The following GRIA4 variants were observed in gnomAD, a reference collection of about 807,000 sequenced individuals.
GRIA4 encodes the protein glutamate receptor 4.
In GRIA4, 34 loss-of-function variants were observed where a neutral mutation model predicts 104.0. The observed-to-expected ratio is 0.33, with a 90% CI of 0.25 to 0.44. The LOEUF (loss-of-function observed/expected upper bound fraction) is 0.44, where lower values mean the gene tolerates loss of function less well. Among genes scored for constraint, GRIA4 ranks in the 20% least tolerant of loss-of-function variants. The pLI is 1.00. For synonymous variants in GRIA4, 386 were observed against 381.9 expected (o/e 1.01, Z -0.13); for missense variants, 750 against 1,096.5 (o/e 0.68, Z 4.46).
chr11:105,973,505 T>C (rs1858806622), intron 15 of GRIA4, among the ~76,000 whole-genome samples: 3 of 152,072 alleles, frequency 2.0e-5, no homozygotes, highest in South Asian at 4.1e-4. Context: ...AAAATATTAA[T>C]GGACTAAGCA....
At chr11:105,706,839 C>T (rs537956237) in intron 3 of GRIA4, 2 of 152,376 alleles carry the variant, frequency 1.3e-5, no homozygotes, top group South Asian at 2.1e-4. Context: ...AGCGTCATCA[C>T]ATAAAAGGAT....
At chr11:105,671,677 CAAAAAAAAAAAAA>C (rs377767108) in intron 3 of GRIA4, among the ~76,000 whole-genome samples, 1 of 64,584 alleles carries the variant, frequency 1.5e-5, no homozygotes, top group Non-Finnish European at 2.5e-5. Context: ...GACTCTGTCT[CAAAAAAAAAAAAA>C]AAAAAAAAAA....
chr11:105,954,443 T>C (rs1372972922), intron 14 of GRIA4, among the ~76,000 whole-genome samples: 7 of 152,186 alleles, frequency 4.6e-5, no homozygotes, highest in Admixed American at 6.6e-5. Context: ...ATTTTGGGTG[T>C]GTGGGGGCAT....
At chr11:105,771,906 TA>T (rs1255350196) in intron 4 of GRIA4, among the ~76,000 whole-genome samples, 10 of 152,070 alleles carry the variant, frequency 6.6e-5, no homozygotes, top group Non-Finnish European at 1.5e-4. Flanking sequence ...AAATCTATTA[TA>T]AAAATTAAAA....
At chr11:105,957,889 C>A (rs571844377) in intron 14 of GRIA4, among the ~76,000 whole-genome samples, 1 of 152,240 alleles carries the variant, frequency 6.6e-6, no homozygotes, top group South Asian at 2.1e-4. Flanking sequence ...AATGGGAGTT[C>A]ACTCATGATT....
rs1953821799 is a variant in GRIA4, at chr11:105,709,214, T to A, written c.248-43767T>A. ...GAGTAAAAAAATTAAATAGTGGTCA[T>A]AATGTGTTATTACCATAAAATAAAA... On this transcript the variant is annotated intron_variant, in intron 3 of 16. Coordinates refer to ENST00000282499, the MANE Select transcript of GRIA4 (RefSeq NM_000829.4). Among the ~76,000 whole-genome samples the A allele has an allele frequency of 1.3e-5, 2 of 152,062 alleles. 1 individual carries two copies. The highest frequency in any genetic ancestry group is 1.3e-4 in the Admixed American group (2 of 15,224).
At position 105,798,237 on chromosome 11, in the gene GRIA4, A is replaced by G. The variant is rs116153222; in HGVS notation, c.487+45017A>G. 7.0e-3 allele frequency among the ~76,000 whole-genome samples: 1,060 copies of G among 152,280 alleles called. 11 individuals are homozygous for G. The highest frequency in any genetic ancestry group is 0.023 in the African/African-American group (940 of 41,568). On this transcript the variant is annotated intron_variant, in intron 4 of 16. Transcript: ENST00000282499. ...CATAAGTAAAGCAGGGAACAAGGAT[A>G]TGAAGTATAAGATAAAGGAAAAGTT...
chr11:105,907,819 C>T (rs539154324), intron 9 of GRIA4, among the ~76,000 whole-genome samples: 3 of 152,044 alleles, frequency 2.0e-5, no homozygotes, highest in Non-Finnish European at 2.9e-5. Flanking sequence ...CTCCTTTTAT[C>T]GAAAAGTAAG....
chr11:105,786,872 G>A (rs1941990909), intron 4 of GRIA4, among the ~76,000 whole-genome samples: 1 of 152,146 alleles, frequency 6.6e-6, no homozygotes, highest in African/African-American at 2.4e-5. Flanking sequence ...TCAGAAAACA[G>A]AATTGGACTC....
intron 3 of GRIA4, among the ~76,000 whole-genome samples, chr11:105,705,267 T>C (rs957807914): frequency 6.6e-6 from 1 of 152,092 alleles, no homozygotes; most frequent in African/African-American, 2.4e-5. Context: ...GAATAAATTC[T>C]AAATAGACCA....
At chr11:105,665,570 G>A (rs1328418596) in intron 3 of GRIA4, among the ~76,000 whole-genome samples, 1 of 151,926 alleles carries the variant, frequency 6.6e-6, no homozygotes, top group Non-Finnish European at 1.5e-5. Context: ...AAAGTACAAG[G>A]AGCCCAGAAA....
At chr11:105,933,453 G>A (rs758887945) in intron 13 of GRIA4, among the ~76,000 whole-genome samples, 33 of 152,018 alleles carry the variant, frequency 2.2e-4, no homozygotes, top group Admixed American at 3.9e-4. Flanking sequence ...ATTTAAGCAG[G>A]TGAGTGTGGT....
chr11:105,962,808 C>T (rs755921731), intron 14 of GRIA4, among the ~76,000 whole-genome samples: 27 of 152,082 alleles, frequency 1.8e-4, no homozygotes, highest in Non-Finnish European at 2.6e-4. Flanking sequence ...TCCTCCTCTT[C>T]TATTTTTTAA....
intron 14 of GRIA4, among the ~76,000 whole-genome samples, chr11:105,965,060 G>A (rs927944886): frequency 5.3e-5 from 8 of 151,990 alleles, no homozygotes; most frequent in South Asian, 2.1e-4. Flanking sequence ...ACCGACCTCC[G>A]CCTCCCAAAG....
intron 3 of GRIA4, among the ~76,000 whole-genome samples, chr11:105,639,513 T>C (rs1180421528): frequency 2.6e-5 from 4 of 151,856 alleles, no homozygotes; most frequent in African/African-American, 9.7e-5. Context: ...AAATGAAAAA[T>C]TCCAAGAATT....
intron 3 of GRIA4, among the ~76,000 whole-genome samples, chr11:105,667,866 T>G (rs1278048169): frequency 6.6e-6 from 1 of 151,938 alleles, no homozygotes; most frequent in Non-Finnish European, 1.5e-5. Context: ...ATCTACCCTT[T>G]TAGAAAACTT....
At chr11:105,623,903 T>C (rs552644519) in intron 3 of GRIA4, among the ~76,000 whole-genome samples, 8 of 152,216 alleles carry the variant, frequency 5.3e-5, no homozygotes, top group African/African-American at 1.9e-4. Context: ...CCTCTCACAA[T>C]GGTTGATGCA....
At chr11:105,771,899 T>A (rs915445193) in intron 4 of GRIA4, among the ~76,000 whole-genome samples, 2 of 151,952 alleles carry the variant, frequency 1.3e-5, no homozygotes, top group East Asian at 3.9e-4. Context: ...TATATATAAA[T>A]CTATTATAAA....
At chr11:105,703,154 T>C (rs1042939600) in intron 3 of GRIA4, among the ~76,000 whole-genome samples, 2 of 152,180 alleles carry the variant, frequency 1.3e-5, no homozygotes, top group Non-Finnish European at 1.5e-5. Flanking sequence ...ACCAGTTAAA[T>C]AGTGACTTGT....
Sources: allele counts gnomAD v4.1 joint callset (sites outside exome capture counted in the v4.1 genomes callset), GRCh38; gene constraint gnomAD v4.1.1; transcripts MANE v1.5; gene names NCBI Gene and HGNC (gene_info 2026-07-23, HGNC 2026-07-21).